The following CTNND2 variants were observed in gnomAD, a reference collection of about 807,000 sequenced individuals.
CTNND2 encodes the protein catenin delta 2, also known as catenin delta-2.
CTNND2 carries 22 observed loss-of-function variants against 144.4 expected under a neutral mutation model. The ratio of observed to expected loss-of-function variants is 0.15; its 90% CI spans 0.11 to 0.22. The LOEUF is 0.22. Among genes scored for constraint, CTNND2 ranks in the 10% least tolerant of loss-of-function variants. The pLI, the probability that CTNND2 is intolerant of heterozygous loss-of-function variation, is 1.00. For synonymous variants in CTNND2, 751 were observed against 695.6 expected (o/e 1.08, Z -1.25); for missense variants, 1,353 against 1,618.8 (o/e 0.84, Z 2.82).
chr5:11,104,007 T>C (rs1752169868), intron 14 of CTNND2, among the ~76,000 whole-genome samples: 1 of 152,336 alleles, frequency 6.6e-6, no homozygotes, highest in East Asian at 1.9e-4. Flanking sequence ...TCTTTCCACC[T>C]GTCACAGGCT....
chr5:11,441,366 G>T (rs1405627602), intron 3 of CTNND2, among the ~76,000 whole-genome samples: 1 of 144,024 alleles, frequency 6.9e-6, no homozygotes, highest in Non-Finnish European at 1.5e-5. Context: ...CTCCAATGTG[G>T]GATTTTTTTT....
intron 16 of CTNND2, 118 bp from the exon 17 acceptor site, chr5:11,023,097 T>G (rs1742451500): frequency 1.2e-6 from 1 of 824,148 alleles, no homozygotes; most frequent in Non-Finnish European, 2.0e-6. Context: ...CAAAATTGTT[T>G]GTTTCCCATC....
intron 16 of CTNND2, among the ~76,000 whole-genome samples, chr5:11,039,202 A>T (rs1744409843): frequency 6.6e-6 from 1 of 152,248 alleles, no homozygotes; most frequent in African/African-American, 2.4e-5. Flanking sequence ...ATCATCTCTG[A>T]CATTGGCAAT....
chr5:11,758,235 AC>A (rs1789059724), intron 1 of CTNND2, among the ~76,000 whole-genome samples: 1 of 151,990 alleles, frequency 6.6e-6, no homozygotes, highest in African/African-American at 2.4e-5. Flanking sequence ...TTTAATTGAT[AC>A]ATAATTGTAT....
intron 16 of CTNND2, among the ~76,000 whole-genome samples, chr5:11,032,817 A>G (rs1743623575): frequency 6.6e-6 from 1 of 152,224 alleles, no homozygotes; most frequent in Admixed American, 6.5e-5. Context: ...AAAATTATAG[A>G]GATGGAGAAC....
intron 3 of CTNND2, among the ~76,000 whole-genome samples, chr5:11,420,666 T>A (rs1195559290): frequency 2.6e-5 from 4 of 152,224 alleles, no homozygotes; most frequent in African/African-American, 9.6e-5. Flanking sequence ...GCAGAATGTT[T>A]CGTGGAACTG....
intron 3 of CTNND2, among the ~76,000 whole-genome samples, chr5:11,424,380 T>C (rs1762607625): frequency 6.6e-6 from 1 of 152,146 alleles, no homozygotes; most frequent in African/African-American, 2.4e-5. Flanking sequence ...CTTGCAGTTA[T>C]GGAATAGTTT....
chr5:11,645,508 G>A (rs1460172170), intron 2 of CTNND2, among the ~76,000 whole-genome samples: 9 of 152,100 alleles, frequency 5.9e-5, no homozygotes, highest in African/African-American at 1.9e-4. Context: ...TCAATTATAC[G>A]TGAATGATTC....
At chr5:11,536,291 TGGCCTCAAGCAATCCTCCTACCTA>T (rs1774212305) in intron 3 of CTNND2, among the ~76,000 whole-genome samples, 2 of 152,252 alleles carry the variant, frequency 1.3e-5, no homozygotes, top group South Asian at 4.2e-4. Flanking sequence ...CTGGAATCCC[TGGCCTCAAGCAATCCTCCTACCTA>T]GGCCTCCCAA....
intron 1 of CTNND2, among the ~76,000 whole-genome samples, chr5:11,775,022 C>T (rs1178601655): frequency 6.6e-6 from 1 of 152,114 alleles, no homozygotes; most frequent in Non-Finnish European, 1.5e-5. Context: ...TTTATAGTCA[C>T]AGTCATCAAA....
At chr5:11,865,908 A>AAAAAAAAC (rs1553986088) in intron 1 of CTNND2, among the ~76,000 whole-genome samples, 5 of 149,200 alleles carry the variant, frequency 3.4e-5, no homozygotes, top group African/African-American at 1.2e-4. Flanking sequence ...GAGACAAAAA[A>AAAAAAAAC]AAAAAAACGA....
chr5:11,420,583 C>T (rs1349200694), intron 3 of CTNND2, among the ~76,000 whole-genome samples: 2 of 152,226 alleles, frequency 1.3e-5, no homozygotes, highest in African/African-American at 4.8e-5. Context: ...GGCTTTAGGC[C>T]GCTGTTGCCC....
chr5:11,708,286 T>C (rs927132398), intron 2 of CTNND2, among the ~76,000 whole-genome samples: 2 of 152,112 alleles, frequency 1.3e-5, no homozygotes, highest in Non-Finnish European at 2.9e-5. Flanking sequence ...GAGTAATAAA[T>C]TGTATTTAAT....
At chr5:11,652,018 T>C (rs1052231917) in intron 2 of CTNND2, among the ~76,000 whole-genome samples, 2 of 152,146 alleles carry the variant, frequency 1.3e-5, no homozygotes, top group African/African-American at 2.4e-5. Flanking sequence ...TGATTGTATT[T>C]TGCAATGTGA....
intron 3 of CTNND2, among the ~76,000 whole-genome samples, chr5:11,422,399 G>A (rs1314488673): frequency 6.6e-6 from 1 of 152,132 alleles, no homozygotes; most frequent in African/African-American, 2.4e-5. Context: ...AAGACCACAG[G>A]AGAAAATAAA....
intron 2 of CTNND2, among the ~76,000 whole-genome samples, chr5:11,586,731 T>C (rs1778890993): frequency 6.6e-6 from 1 of 152,224 alleles, no homozygotes; most frequent in African/African-American, 2.4e-5. Context: ...TGGGCAAATA[T>C]ATATTTTTAA....
intron 1 of CTNND2, among the ~76,000 whole-genome samples, chr5:11,779,752 T>C (rs964054701): frequency 5.9e-5 from 9 of 152,242 alleles, no homozygotes; most frequent in Non-Finnish European, 4.4e-5. Context: ...CCTTTTATAC[T>C]GGGTGGCTGG....
chr5:11,493,691 T>A (rs1769667377), intron 3 of CTNND2, among the ~76,000 whole-genome samples: 1 of 152,226 alleles, frequency 6.6e-6, no homozygotes, highest in Non-Finnish European at 1.5e-5. Flanking sequence ...TTAATTTCAG[T>A]TAACTGTCAG....
intron 2 of CTNND2, among the ~76,000 whole-genome samples, chr5:11,662,707 G>A (rs914458812): frequency 5.3e-5 from 8 of 152,220 alleles, no homozygotes; most frequent in Middle Eastern, 3.4e-3. Context: ...ACAGATGGAT[G>A]CATAAACTCT....
Sources: gnomAD v4.1 joint callset for allele counts (sites outside exome capture counted in the v4.1 genomes callset) on GRCh38, gnomAD v4.1.1 for gene constraint, MANE v1.5 for transcripts, NCBI Gene and HGNC (gene_info 2026-07-23, HGNC 2026-07-21) for gene names.